Variants in LDB2 observed in about 807,000 individuals in gnomAD.
LDB2 encodes the protein LIM domain-binding protein 2.
A neutral mutation model predicts 44.3 loss-of-function variants in LDB2; 12 were observed. That is an observed-to-expected ratio of 0.27 (90% CI 0.17 to 0.44). The LOEUF is 0.44. LDB2 is among the 20% of genes least tolerant of loss of function. The probability of loss-of-function intolerance (pLI) is 1.00; values close to 1 mark genes in which losing one functional copy is unlikely to be tolerated. For missense variants in LDB2, 344 were observed against 473.5 expected, an observed-to-expected ratio of 0.73 and a Z score of 2.54; for synonymous variants, 164 against 174.8, an observed-to-expected ratio of 0.94 and a Z score of 0.49.
Position 16,674,160 on chromosome 4 carries a change from C to A in LDB2, c.236-78285G>T, listed in dbSNP as rs191683804. The A allele has an allele frequency of 2.6e-3, 2,691 of 1,017,098 alleles. 5 individuals carry two copies. The highest frequency in any genetic ancestry group is 3.3e-3 in the Non-Finnish European group (2,470 of 744,718). The allele number at this position is 1,017,098 out of a possible 1,614,324, so 63.0% of individuals were successfully genotyped here. ...TCCCATTTTACGCATTTCCAGAATT[C>A]ACGCCTTAAAACAAATTAGAAATAG... On this transcript the variant is annotated intron_variant, in intron 2 of 7. Transcript: ENST00000304523.
chr4:16,513,576 G>A (rs774436475), intron 5 of LDB2, among the ~76,000 whole-genome samples: 17 of 152,114 alleles, frequency 1.1e-4, no homozygotes, highest in Non-Finnish European at 2.4e-4. Context: ...GACGTTTCTC[G>A]AAGTGTGATC....
At chr4:16,605,075 T>C (rs1478673205) in intron 2 of LDB2, among the ~76,000 whole-genome samples, 1 of 152,212 alleles carries the variant, frequency 6.6e-6, no homozygotes, top group Non-Finnish European at 1.5e-5. Flanking sequence ...AATGCAACTT[T>C]AGCTAGTTCT....
chr4:16,793,948 G>T (rs1776246030), intron 1 of LDB2, among the ~76,000 whole-genome samples: 1 of 152,106 alleles, frequency 6.6e-6, no homozygotes, highest in African/African-American at 2.4e-5. Flanking sequence ...GGGACCTGCA[G>T]CTCCTTTCCT....
chr4:16,608,206 C>CAAAAAAAAAAA (rs71649969), intron 2 of LDB2, among the ~76,000 whole-genome samples: 1 of 68,482 alleles, frequency 1.5e-5, no homozygotes, highest in African/African-American at 5.1e-5. Context: ...CACACTTCTT[C>CAAAAAAAAAAA]AAAAAAAAAA....
intron 2 of LDB2, among the ~76,000 whole-genome samples, chr4:16,730,266 T>G (rs1760457318): frequency 6.6e-6 from 1 of 152,072 alleles, no homozygotes; most frequent in African/African-American, 2.4e-5. Context: ...CAAATATGAG[T>G]GTCACTTTTA....
At chr4:16,639,297 T>C (rs1376841805) in intron 2 of LDB2, among the ~76,000 whole-genome samples, 1 of 152,204 alleles carries the variant, frequency 6.6e-6, no homozygotes, top group Non-Finnish European at 1.5e-5. Context: ...CAATTGGGTC[T>C]ATAGAAATTT....
chr4:16,867,127 A>G (rs1191268432), intron 1 of LDB2, among the ~76,000 whole-genome samples: 1 of 152,198 alleles, frequency 6.6e-6, no homozygotes, highest in African/African-American at 2.4e-5. Context: ...TCCAAGGCAC[A>G]GTCAGGAGCC....
intron 1 of LDB2, among the ~76,000 whole-genome samples, chr4:16,850,292 T>G (rs1287242966): frequency 6.6e-6 from 1 of 152,098 alleles, no homozygotes; most frequent in Non-Finnish European, 1.5e-5. Context: ...CTGGACAAAT[T>G]CTAGCCCCAC....
chr4:16,508,150 G>A (rs1481295446), intron 7 of LDB2, among the ~76,000 whole-genome samples: 1 of 152,204 alleles, frequency 6.6e-6, no homozygotes. Flanking sequence ...CTGAGCCGCT[G>A]GGAGCTAGTT....
chr4:16,690,219 C>T (rs1471349611), intron 2 of LDB2, among the ~76,000 whole-genome samples: 1 of 151,942 alleles, frequency 6.6e-6, no homozygotes, highest in African/African-American at 2.4e-5. Flanking sequence ...AATGAAGAAC[C>T]ATCAGGCACT....
At chr4:16,681,688 G>A (rs113435834) in intron 2 of LDB2, among the ~76,000 whole-genome samples, 12,835 of 141,224 alleles carry the variant, frequency 0.091, 667 homozygotes, top group East Asian at 0.24. Flanking sequence ...GTGCAGTGAT[G>A]GGACTGCACT....
At chr4:16,869,476 A>G (rs934984034) in intron 1 of LDB2, among the ~76,000 whole-genome samples, 1 of 152,172 alleles carries the variant, frequency 6.6e-6, no homozygotes, top group African/African-American at 2.4e-5. Flanking sequence ...TGTTATATGA[A>G]CACTATGGAA....
intron 2 of LDB2, among the ~76,000 whole-genome samples, chr4:16,661,618 T>C (rs1238535965): frequency 6.6e-6 from 1 of 152,198 alleles, no homozygotes; most frequent in African/African-American, 2.4e-5. Context: ...AGTATGGCTA[T>C]AACCATTTTT....
intron 2 of LDB2, among the ~76,000 whole-genome samples, chr4:16,692,425 G>T (rs1751001612): frequency 6.6e-6 from 1 of 152,166 alleles, no homozygotes; most frequent in African/African-American, 2.4e-5. Context: ...TCTAAAATCT[G>T]CCAGCAGCAG....
chr4:16,636,551 C>T (rs1037455352), intron 2 of LDB2, among the ~76,000 whole-genome samples: 12 of 152,280 alleles, frequency 7.9e-5, no homozygotes, highest in Non-Finnish European at 1.5e-4. Flanking sequence ...CATTTACCTG[C>T]AGAGCCTTCA....
Position 16,625,266 on chromosome 4 carries a change from G to T in LDB2, c.236-29391C>A, listed in dbSNP as rs148085112. The stretch of plus-strand genomic sequence containing the variant: ...ATCTCTCCCTTGCTTTTGAGTTTTA[G>T]TTCATAAAGTTCCATCTGCTTGAAG... On this transcript the variant is annotated intron_variant, in intron 2 of 7. Transcript: ENST00000304523. Among the ~76,000 whole-genome samples, 394 of 152,218 alleles carry T rather than the reference G, an allele frequency of 2.6e-3. 1 individual carries two copies. Among genetic ancestry groups the T allele is most frequent in the Non-Finnish European group, 4.2e-3 (284 of 68,024 alleles).
intron 1 of LDB2, among the ~76,000 whole-genome samples, chr4:16,795,453 C>T (rs1776562904): frequency 6.6e-6 from 1 of 152,142 alleles, no homozygotes; most frequent in Admixed American, 6.5e-5. Flanking sequence ...TGCTGGTCTC[C>T]CTCTAGTCCT....
chr4:16,811,182 G>C (rs1485707006), intron 1 of LDB2, among the ~76,000 whole-genome samples: 1 of 152,220 alleles, frequency 6.6e-6, no homozygotes, highest in Non-Finnish European at 1.5e-5. Context: ...TGATTCATGG[G>C]ATGTGCTTTG....
chr4:16,735,132 C>T (rs283025), intron 2 of LDB2, among the ~76,000 whole-genome samples: 75,411 of 151,960 alleles, frequency 0.5, 18,930 homozygotes, highest in East Asian at 0.78. Context: ...GAATGATGTA[C>T]GTAGTGGGGA....
Sources: gnomAD v4.1 joint callset for allele counts (sites outside exome capture counted in the v4.1 genomes callset) on GRCh38, gnomAD v4.1.1 for gene constraint, MANE v1.5 for transcripts, NCBI Gene and HGNC (gene_info 2026-07-23, HGNC 2026-07-21) for gene names.